RASGRF2: variants seen among roughly 807,000 people sequenced by gnomAD.
The protein encoded by RASGRF2 is Ras protein specific guanine nucleotide releasing factor 2, also known as ras-specific guanine nucleotide-releasing factor 2.
RASGRF2 carries 76 observed loss-of-function variants against 151.0 expected under a neutral mutation model. The observed-to-expected ratio is 0.50, with a 90% CI of 0.42 to 0.61. The LOEUF is 0.61. Among genes scored for constraint, RASGRF2 ranks in the 20% least tolerant of loss-of-function variants. RASGRF2 has a pLI of 0.00. For missense variants in RASGRF2, 1,148 were observed against 1,564.6 expected, an observed-to-expected ratio of 0.73 and a Z score of 4.49; for synonymous variants, 504 against 566.5, an observed-to-expected ratio of 0.89 and a Z score of 1.57.
chr5:80,987,450 G>C (rs889581915), intron 1 of RASGRF2, among the ~76,000 whole-genome samples: 1 of 152,186 alleles, frequency 6.6e-6, no homozygotes, highest in Non-Finnish European at 1.5e-5. Context: ...AAGTAGTTCA[G>C]TCGTTTGAAT....
chr5:81,071,826 A>G (rs1751785919), intron 4 of RASGRF2, among the ~76,000 whole-genome samples: 1 of 152,150 alleles, frequency 6.6e-6, no homozygotes, highest in South Asian at 2.1e-4. Context: ...TGTGTGGTAG[A>G]AACTAGTCTA....
At chr5:81,174,342 G>T (rs527903074) in intron 17 of RASGRF2, among the ~76,000 whole-genome samples, 18 of 152,244 alleles carry the variant, frequency 1.2e-4, no homozygotes, top group African/African-American at 4.1e-4. Flanking sequence ...AGGAGTTTGG[G>T]GTACTGTTGG....
Position 80,982,947 on chromosome 5 carries a change from T to C in RASGRF2, c.288+21921T>C, listed in dbSNP as rs546275993. The stretch of plus-strand genomic sequence containing the variant: ...TCAAGTTTACTGTGGGGAATTTTTC[T>C]TGATGTCAAATAGGTCTCCACAAAA... On this transcript the variant is annotated intron_variant, in intron 1 of 26. Coordinates refer to ENST00000265080, the MANE Select transcript of RASGRF2 (RefSeq NM_006909.3). Among the ~76,000 whole-genome samples the C allele has an allele frequency of 1.9e-4, 29 of 152,302 alleles. No individual in the cohort carries two copies. In the Middle Eastern group the frequency reaches 0.01, roughly 54 times the overall value.
intron 1 of RASGRF2, among the ~76,000 whole-genome samples, chr5:80,991,817 C>T (rs569526267): frequency 1.4e-4 from 21 of 152,280 alleles, no homozygotes; most frequent in South Asian, 8.3e-4. Flanking sequence ...CTGTAGCTTA[C>T]GTAAACCCTT....
At chr5:80,977,685 G>A (rs1324319070) in intron 1 of RASGRF2, among the ~76,000 whole-genome samples, 1 of 152,308 alleles carries the variant, frequency 6.6e-6, no homozygotes, top group South Asian at 2.1e-4. Flanking sequence ...TCGAACTACT[G>A]ACCTCAGGTG....
intron 13 of RASGRF2, 96 bp downstream of exon 13, chr5:81,109,174 C>A: frequency 1.4e-6 from 2 of 1,461,626 alleles, no homozygotes; most frequent in Non-Finnish European, 1.8e-6. Flanking sequence ...TAGAATTCTG[C>A]TTCTTGTTGA....
intron 17 of RASGRF2, among the ~76,000 whole-genome samples, chr5:81,140,435 CAG>C (rs1206081842): frequency 7.9e-5 from 12 of 151,714 alleles, no homozygotes; most frequent in African/African-American, 2.9e-4. Flanking sequence ...CACACACACA[CAG>C]ACACACACAT....
intron 1 of RASGRF2, among the ~76,000 whole-genome samples, chr5:81,011,634 G>A (rs6897314): frequency 0.57 from 86,050 of 151,768 alleles, 25,175 homozygotes; most frequent in African/African-American, 0.7. Flanking sequence ...CCAGCTACTC[G>A]GGAGACTGAG....
chr5:81,200,045 A>G (rs150668625), intron 18 of RASGRF2, among the ~76,000 whole-genome samples: 2,362 of 151,246 alleles, frequency 0.016, 80 homozygotes, highest in African/African-American at 0.054. Flanking sequence ...CTGAGATGGG[A>G]GGGTCACTTG....
chr5:80,988,595 C>T (rs935299843), intron 1 of RASGRF2, among the ~76,000 whole-genome samples: 2 of 152,218 alleles, frequency 1.3e-5, no homozygotes, highest in African/African-American at 2.4e-5. Context: ...GAGCCACTGT[C>T]TGCTTTCAGA....
chr5:81,033,973 C>G (rs543247336), intron 1 of RASGRF2, among the ~76,000 whole-genome samples: 4 of 152,180 alleles, frequency 2.6e-5, no homozygotes, highest in Non-Finnish European at 5.9e-5. Context: ...ACAACCCCAT[C>G]AACAAGTGGG....
intron 9 of RASGRF2, chr5:81,087,586 A>G (rs1413767437): frequency 3.6e-6 from 2 of 559,452 alleles, no homozygotes; most frequent in African/African-American, 3.7e-5. Context: ...TGTGCCGGAA[A>G]CTGTGGAGAA....
chr5:81,055,231 T>G (rs1360299937), intron 2 of RASGRF2, among the ~76,000 whole-genome samples: 1 of 152,188 alleles, frequency 6.6e-6, no homozygotes, highest in African/African-American at 2.4e-5. Flanking sequence ...GCTTCCAGGT[T>G]TTGCCCATTC....
At chr5:81,066,000 C>CTCTTTT (rs1201400981) in intron 2 of RASGRF2, among the ~76,000 whole-genome samples, 7 of 152,132 alleles carry the variant, frequency 4.6e-5, no homozygotes, top group African/African-American at 7.2e-5. Flanking sequence ...ACCTGCCTTT[C>CTCTTTT]TCTTTTTCTT....
At chr5:80,969,652 C>T (rs1377990891) in intron 1 of RASGRF2, among the ~76,000 whole-genome samples, 9 of 150,762 alleles carry the variant, frequency 6.0e-5, no homozygotes, top group Non-Finnish European at 1.3e-4. Flanking sequence ...GGGGTTTCAC[C>T]GTGTTAGCCA....
intron 1 of RASGRF2, among the ~76,000 whole-genome samples, chr5:80,988,488 T>A (rs1156821322): frequency 6.6e-6 from 1 of 152,174 alleles, no homozygotes; most frequent in East Asian, 1.9e-4. Flanking sequence ...ATTAAGTCAT[T>A]GTTATGTGTT....
At chr5:81,190,414 A>C (rs1755131732) in intron 18 of RASGRF2, among the ~76,000 whole-genome samples, 4 of 152,218 alleles carry the variant, frequency 2.6e-5, no homozygotes, top group African/African-American at 9.6e-5. Flanking sequence ...TGAGGAGAGA[A>C]ACCTGGAAAC....
At chr5:81,168,684 G>T (rs1292396378) in intron 17 of RASGRF2, among the ~76,000 whole-genome samples, 1 of 152,112 alleles carries the variant, frequency 6.6e-6, no homozygotes, top group Non-Finnish European at 1.5e-5. Flanking sequence ...ACAATGTGTT[G>T]AAAATATTGG....
intron 24 of RASGRF2, 88 bp downstream of exon 24, chr5:81,216,043 A>G: frequency 8.1e-7 from 1 of 1,229,750 alleles, no homozygotes; most frequent in Non-Finnish European, 1.0e-6. Flanking sequence ...CCTACCACCT[A>G]CTTTGCTTTG....
Sources: allele counts gnomAD v4.1 joint callset (sites outside exome capture counted in the v4.1 genomes callset), GRCh38; gene constraint gnomAD v4.1.1; transcripts MANE v1.5; gene names NCBI Gene and HGNC (gene_info 2026-07-23, HGNC 2026-07-21).